CDH18: variants seen among roughly 807,000 people sequenced by gnomAD.
The protein encoded by CDH18 is cadherin 18.
In CDH18, 31 loss-of-function variants were observed where a neutral mutation model predicts 67.9. The observed-to-expected ratio is 0.46, with a 90% confidence interval of 0.34 to 0.62. CDH18 has a LOEUF of 0.62. CDH18 is among the 20% of genes least tolerant of loss of function. CDH18 has a pLI of 0.01. For missense variants in CDH18, 890 were observed against 975.5 expected (o/e 0.91, Z 1.17); for synonymous variants, 362 against 347.2 (o/e 1.04, Z -0.48).
intron 2 of CDH18, among the ~76,000 whole-genome samples, chr5:20,148,575 G>A (rs990262860): frequency 9.9e-5 from 15 of 152,178 alleles, no homozygotes; most frequent in South Asian, 4.1e-4. Flanking sequence ...GCCAGGTTGC[G>A]TATGCTCAGA....
chr5:20,254,658 G>A lies in CDH18; in HGVS notation c.-518+786C>T, dbSNP rs1015211350. Reference sequence around the variant, plus strand: ...TGTAAAGAAAAGAGAACTCTTATTCGTGTTGGTTAGAATGTAAATTATGTT... The same window carrying A: ...TGTAAAGAAAAGAGAACTCTTATTCATGTTGGTTAGAATGTAAATTATGTT... On this transcript the variant is annotated intron_variant, in intron 2 of 14. Transcript: ENST00000507958. Among the ~76,000 whole-genome samples the A allele has an allele frequency of 5.9e-5, 9 of 152,300 alleles. No individual in the cohort carries two copies. In the East Asian group the frequency reaches 1.4e-3, roughly 23 times the overall value.
chr5:20,444,579 G>A (rs1185222321), intron 1 of CDH18, among the ~76,000 whole-genome samples: 1 of 152,064 alleles, frequency 6.6e-6, no homozygotes, highest in African/African-American at 2.4e-5. Context: ...TCCTCTCTTA[G>A]TTATTTTAGA....
intron 2 of CDH18, among the ~76,000 whole-genome samples, chr5:20,195,138 A>T (rs944730057): frequency 6.6e-6 from 1 of 152,060 alleles, no homozygotes; most frequent in African/African-American, 2.4e-5. Flanking sequence ...AAAAACAGTC[A>T]ATTTTGTGTG....
rs1225733746 is a variant in CDH18, at chr5:19,725,090, C to T, written c.524-3624G>A. 9.2e-5 allele frequency among the ~76,000 whole-genome samples: 14 copies of T among 151,974 alleles called. 1 individual carries two copies. In the South Asian group the frequency reaches 2.9e-3, roughly 32 times the overall value. On this transcript the variant is annotated intron_variant, in intron 4 of 12. Transcript: ENST00000382275. The stretch of plus-strand genomic sequence containing the variant: ...TACAGGCGCCCGCCACCACGCCTGG[C>T]TAAATTTTTGTATTTTTAGTAGAGA...
chr5:19,621,444 T>C (rs1750678400), intron 5 of CDH18, among the ~76,000 whole-genome samples: 1 of 152,108 alleles, frequency 6.6e-6, no homozygotes, highest in African/African-American at 2.4e-5. Context: ...TGTTGTTGAT[T>C]ATCTTTTTAT....
chr5:20,171,369 C>T (rs1736694060), intron 2 of CDH18, among the ~76,000 whole-genome samples: 3 of 152,016 alleles, frequency 2.0e-5, no homozygotes, highest in African/African-American at 7.2e-5. Flanking sequence ...TGCAACCTAG[C>T]CAGCATCTAT....
intron 2 of CDH18, among the ~76,000 whole-genome samples, chr5:19,882,730 T>C (rs977950945): frequency 1.3e-5 from 2 of 152,146 alleles, no homozygotes; most frequent in Admixed American, 6.6e-5. Context: ...AAATTTTTCA[T>C]TAATATGTAA....
chr5:19,918,140 C>T (rs1792032329), intron 2 of CDH18, among the ~76,000 whole-genome samples: 1 of 152,178 alleles, frequency 6.6e-6, no homozygotes, highest in South Asian at 2.1e-4. Context: ...CTGATCAACA[C>T]TTATGTACAT....
At chr5:19,496,332 ACT>A (rs1356557550) in intron 11 of CDH18, among the ~76,000 whole-genome samples, 1 of 152,074 alleles carries the variant, frequency 6.6e-6, no homozygotes, top group Non-Finnish European at 1.5e-5. Flanking sequence ...AATGGTGAAT[ACT>A]CTCTTGGGAA....
At chr5:19,476,185 T>C (rs1738430690) in intron 12 of CDH18, among the ~76,000 whole-genome samples, 1 of 151,904 alleles carries the variant, frequency 6.6e-6, no homozygotes, top group Non-Finnish European at 1.5e-5. Flanking sequence ...GAGAAAGTCA[T>C]AGAACCATCC....
At chr5:19,943,919 GTA>G (rs200964535) in intron 2 of CDH18, among the ~76,000 whole-genome samples, 350 of 152,036 alleles carry the variant, frequency 2.3e-3, no homozygotes, top group African/African-American at 7.8e-3. Flanking sequence ...TAGCTATTTT[GTA>G]TTACCAAAAA....
At chr5:19,893,427 T>A (rs1189720819) in intron 2 of CDH18, among the ~76,000 whole-genome samples, 2 of 152,168 alleles carry the variant, frequency 1.3e-5, no homozygotes, top group Non-Finnish European at 2.9e-5. Context: ...ACACAAGGAA[T>A]TGCTGAATCA....
chr5:20,090,433 G>T (rs1304203579), intron 2 of CDH18, among the ~76,000 whole-genome samples: 1 of 152,086 alleles, frequency 6.6e-6, no homozygotes, highest in Non-Finnish European at 1.5e-5. Context: ...TACTCAGGAG[G>T]CTGAGGCAGG....
intron 1 of CDH18, among the ~76,000 whole-genome samples, chr5:20,405,589 G>A (rs1746173717): frequency 6.6e-6 from 1 of 152,112 alleles, no homozygotes; most frequent in Non-Finnish European, 1.5e-5. Flanking sequence ...TGACAAATGG[G>A]ATCTAAGTAA....
intron 2 of CDH18, among the ~76,000 whole-genome samples, chr5:20,242,395 T>G (rs1313468587): frequency 2.6e-5 from 4 of 151,348 alleles, no homozygotes; most frequent in African/African-American, 4.9e-5. Context: ...CCGCAGCCTC[T>G]GGTAACCATC....
Position 19,600,323 on chromosome 5 carries a change from T to A in CDH18, c.812-9079A>T, listed in dbSNP as rs550551600. Among the ~76,000 whole-genome samples the A allele has an allele frequency of 5.9e-5, 9 of 151,910 alleles. No individual in the cohort carries two copies. The East Asian group carries it at 1.7e-3, about 29-fold the overall frequency. ...GTAACAAACCTGCACGTTGTGCACA[T>A]CTACCCTAGAACTTAAAAGTATAAT... On this transcript the variant is annotated intron_variant, in intron 6 of 12. Coordinates refer to ENST00000382275, the MANE Select transcript of CDH18 (RefSeq NM_004934.5).
chr5:20,352,429 G>T (rs1478218760), intron 1 of CDH18, among the ~76,000 whole-genome samples: 2 of 151,910 alleles, frequency 1.3e-5, no homozygotes, highest in Non-Finnish European at 2.9e-5. Context: ...CCAAATCTTG[G>T]TTGTTGAAAG....
chr5:20,239,470 T>A (rs1159462235), intron 2 of CDH18, among the ~76,000 whole-genome samples: 1 of 151,720 alleles, frequency 6.6e-6, no homozygotes, highest in Non-Finnish European at 1.5e-5. Context: ...AAACAAAAAA[T>A]TAAATAAATA....
At chr5:20,449,832 A>AT (rs1293825848) in intron 1 of CDH18, among the ~76,000 whole-genome samples, 29 of 151,550 alleles carry the variant, frequency 1.9e-4, no homozygotes, top group Non-Finnish European at 3.2e-4. Context: ...AAAAAGAAAA[A>AT]ATATATATAT....
Sources: allele counts gnomAD v4.1 joint callset (sites outside exome capture counted in the v4.1 genomes callset), GRCh38; gene constraint gnomAD v4.1.1; transcripts MANE v1.5; gene names NCBI Gene and HGNC (gene_info 2026-07-23, HGNC 2026-07-21).